The following LRCH1 variants were observed in gnomAD, a reference collection of about 807,000 sequenced individuals.
LRCH1 encodes leucine-rich repeat and calponin homology domain-containing protein 1.
In LRCH1, 23 loss-of-function variants were observed where a neutral mutation model predicts 94.9. That is an observed-to-expected ratio of 0.24 (90% confidence interval 0.17 to 0.34). LRCH1 has a LOEUF of 0.34. Among genes scored for constraint, LRCH1 ranks in the 10% least tolerant of loss-of-function variants. The pLI, the probability that LRCH1 is intolerant of heterozygous loss-of-function variation, is 1.00. For synonymous variants in LRCH1, 364 were observed against 354.9 expected (o/e 1.03, Z -0.29); for missense variants, 790 against 945.9 (o/e 0.84, Z 2.16).
At chr13:46,691,923 TG>T (rs1017197645) in intron 7 of LRCH1, among the ~76,000 whole-genome samples, 2 of 151,920 alleles carry the variant, frequency 1.3e-5, no homozygotes, top group Admixed American at 1.3e-4. Flanking sequence ...CTCTTGATCT[TG>T]TGATCCACCT....
In LRCH1 at chr13:46,588,646, G is replaced by T. The variant is rs376916222; in HGVS notation, c.307+34943G>T. Among the ~76,000 whole-genome samples, 49 of 145,760 alleles carry T rather than the reference G, an allele frequency of 3.4e-4. 2 individuals carry two copies. Among genetic ancestry groups the T allele is most frequent in the South Asian group, 2.8e-3 (13 of 4,638 alleles). ...ACAGTCATCTCGCTCTGTCACCCAG[G>T]CTGGAATGCAGTGGCGCCATCTCCG... On this transcript the variant is annotated intron_variant, in intron 1 of 19. Coordinates refer to ENST00000389797, the MANE Select transcript of LRCH1 (RefSeq NM_001164211.2).
chr13:46,687,710 G>T (rs1870693406), intron 5 of LRCH1, 142 bp from the exon 6 acceptor site: 1 of 556,482 alleles, frequency 1.8e-6, no homozygotes, highest in African/African-American at 1.9e-5. Context: ...ACATGTTTTG[G>T]AAAGGACGGA....
chr13:46,682,000 C>T (rs1870337497), intron 4 of LRCH1, among the ~76,000 whole-genome samples, 154 bp downstream of exon 4: 1 of 147,242 alleles, frequency 6.8e-6, no homozygotes, highest in Middle Eastern at 3.5e-3. Context: ...ATTTCACATA[C>T]AGATAACAAA....
At chr13:46,585,677 G>A (rs1249123424) in intron 1 of LRCH1, among the ~76,000 whole-genome samples, 2 of 151,958 alleles carry the variant, frequency 1.3e-5, no homozygotes, top group African/African-American at 2.4e-5. Flanking sequence ...GCTCACTCAA[G>A]TAATTTTCAT....
chr13:46,695,606 C>T (rs1483249706), intron 9 of LRCH1, among the ~76,000 whole-genome samples: 1 of 152,178 alleles, frequency 6.6e-6, no homozygotes, highest in Non-Finnish European at 1.5e-5. Context: ...TACTTCACAA[C>T]CCGATTAGGT....
chr13:46,746,091 G>A (rs1027812480), downstream of LRCH1, among the ~76,000 whole-genome samples: 1 of 152,210 alleles, frequency 6.6e-6, no homozygotes, highest in African/African-American at 2.4e-5. Context: ...ATGGGAGGAG[G>A]CATAGTATTG....
chr13:46,651,406 G>C (rs1041129372), intron 2 of LRCH1, among the ~76,000 whole-genome samples: 6 of 152,130 alleles, frequency 3.9e-5, no homozygotes, highest in African/African-American at 1.4e-4. Flanking sequence ...GCTCAGGCCT[G>C]TAATCCCAGC....
rs141158725 is a variant in LRCH1, at chr13:46,742,065, G to A, written c.*217G>A. The A allele has an allele frequency of 2.2e-4, 310 of 1,400,102 alleles. No homozygotes were observed. In the African/African-American group the frequency reaches 3.9e-3, roughly 18 times the overall value. The allele number at this position is 1,400,102 out of a possible 1,614,324, so 86.7% of individuals were successfully genotyped here. On this transcript the variant is annotated 3_prime_UTR_variant, in exon 20 of 20. Transcript: ENST00000389797. ...TTCCTCTCACTTACTGAAATACAAC[G>A]ACGACGACTGCAAAGTGTATGCACA...
intron 1 of LRCH1, among the ~76,000 whole-genome samples, chr13:46,628,945 A>G (rs1001439693): frequency 5.3e-5 from 8 of 152,346 alleles, no homozygotes; most frequent in African/African-American, 1.9e-4. Context: ...GCTGCTAAAC[A>G]TCATGGAATG....
chr13:46,640,591 C>T (rs1324806486), intron 1 of LRCH1, among the ~76,000 whole-genome samples: 3 of 152,120 alleles, frequency 2.0e-5, no homozygotes, highest in Non-Finnish European at 4.4e-5. Flanking sequence ...GGTCAGAGCT[C>T]ACTTACTTTT....
chr13:46,683,515 C>T lies in LRCH1; in HGVS notation c.685+1669C>T, dbSNP rs116830137. ...CAAGCACAAAAGGAAAGCTTATTAA[C>T]AGCAAATTTATATGCATACAACCTT... On this transcript the variant is annotated intron_variant, in intron 4 of 19. Transcript: ENST00000389797. Among the ~76,000 whole-genome samples, 546 of 152,318 alleles carry T rather than the reference C, an allele frequency of 3.6e-3. 3 individuals are homozygous for T. Among genetic ancestry groups the T allele is most frequent in the African/African-American group, 0.013 (522 of 41,566 alleles).
intron 3 of LRCH1, among the ~76,000 whole-genome samples, chr13:46,674,349 C>T (rs2051642855): frequency 6.6e-6 from 1 of 152,178 alleles, no homozygotes; most frequent in Admixed American, 6.5e-5. Context: ...TGTCGAAAAG[C>T]AGTTGTTCCC....
intron 3 of LRCH1, among the ~76,000 whole-genome samples, chr13:46,675,739 C>T (rs940493751): frequency 2.0e-5 from 3 of 152,210 alleles, no homozygotes; most frequent in South Asian, 2.1e-4. Flanking sequence ...TCTCTGGAGG[C>T]GCCTCCTAAC....
intron 15 of LRCH1, among the ~76,000 whole-genome samples, chr13:46,713,523 TG>T (rs1308361331): frequency 6.6e-6 from 1 of 152,180 alleles, no homozygotes; most frequent in Non-Finnish European, 1.5e-5. Context: ...TTTTCATTCT[TG>T]GGGCAGGTTG....
intron 1 of LRCH1, among the ~76,000 whole-genome samples, chr13:46,621,562 A>G (rs1360662747): frequency 6.6e-6 from 1 of 152,192 alleles, no homozygotes; most frequent in Non-Finnish European, 1.5e-5. Flanking sequence ...GTAAGGCATT[A>G]GTTGGAAAGC....
intron 1 of LRCH1, among the ~76,000 whole-genome samples, chr13:46,563,635 G>A (rs764940003): frequency 1.3e-5 from 2 of 152,216 alleles, no homozygotes; most frequent in Admixed American, 6.5e-5. Flanking sequence ...TGTATTAAAT[G>A]TATGTAATAG....
chr13:46,603,911 C>A (rs1356363358), intron 1 of LRCH1, among the ~76,000 whole-genome samples: 1 of 152,326 alleles, frequency 6.6e-6, no homozygotes, highest in Admixed American at 6.5e-5. Context: ...CCTGCCTTGG[C>A]CTTCTAAAAT....
chr13:46,693,378 A>G (rs1871013792), intron 8 of LRCH1, among the ~76,000 whole-genome samples: 1 of 152,138 alleles, frequency 6.6e-6, no homozygotes, highest in African/African-American at 2.4e-5. Flanking sequence ...TTTCATGTCC[A>G]TCTGTTTTAA....
chr13:46,572,829 C>A (rs1316132820), intron 1 of LRCH1, among the ~76,000 whole-genome samples: 1 of 151,982 alleles, frequency 6.6e-6, no homozygotes, highest in Non-Finnish European at 1.5e-5. Flanking sequence ...TGTGAGTAAA[C>A]TTGCCCATGA....
Sources: gnomAD v4.1 joint callset for allele counts (sites outside exome capture counted in the v4.1 genomes callset) on GRCh38, gnomAD v4.1.1 for gene constraint, MANE v1.5 for transcripts, NCBI Gene and HGNC (gene_info 2026-07-23, HGNC 2026-07-21) for gene names.